Variants in RASA2 observed in about 807,000 individuals in gnomAD.
RASA2 encodes the protein ras GTPase-activating protein 2.
Under a neutral mutation model 118.2 loss-of-function variants are expected in RASA2, and 155 were observed. The observed-to-expected ratio is 1.31, with a 90% confidence interval of 1.15 to 1.50. The LOEUF (loss-of-function observed/expected upper bound fraction) is 1.50, where lower values mean the gene tolerates loss of function less well. Among genes scored for constraint, RASA2 ranks in the 40% most tolerant of loss-of-function variants. The pLI is 0.00. For synonymous variants in RASA2, 353 were observed against 349.1 expected, an observed-to-expected ratio of 1.01 and a Z score of -0.12; for missense variants, 1,016 against 1,009.6, an observed-to-expected ratio of 1.01 and a Z score of -0.09.
In RASA2 at chr3:141,575,817, T is replaced by C. The variant is rs922050013; in HGVS notation, c.1484-1183T>C. Among the ~76,000 whole-genome samples the C allele has an allele frequency of 7.9e-5, 12 of 152,224 alleles. No individual in the cohort carries two copies. The East Asian group carries it at 1.7e-3, about 22-fold the overall frequency. Reference sequence around the variant, plus strand: ...TTGTTTTTGTTTTTGTTTTTGAGACTGAGTTTCACTCTTGTTGCCCAGACT... The same window carrying C: ...TTGTTTTTGTTTTTGTTTTTGAGACCGAGTTTCACTCTTGTTGCCCAGACT... On this transcript the variant is annotated intron_variant, in intron 14 of 23. Transcript: ENST00000286364.
intron 4 of RASA2, among the ~76,000 whole-genome samples, chr3:141,538,146 C>T (rs2082355698): frequency 6.6e-6 from 1 of 151,558 alleles, no homozygotes; most frequent in Admixed American, 6.6e-5. Context: ...TGTTTTGCTG[C>T]AATTCAAATC....
intron 3 of RASA2, among the ~76,000 whole-genome samples, chr3:141,519,752 A>G (rs1449000837): frequency 1.3e-5 from 2 of 152,082 alleles, no homozygotes; most frequent in Non-Finnish European, 2.9e-5. Flanking sequence ...TCCTCAATTC[A>G]GTTTAACATT....
chr3:141,559,409 A>C (rs2082697103), intron 8 of RASA2, among the ~76,000 whole-genome samples: 1 of 152,102 alleles, frequency 6.6e-6, no homozygotes, highest in African/African-American at 2.4e-5. Flanking sequence ...CCTGGGTCTT[A>C]AATATCTATG....
intron 4 of RASA2, among the ~76,000 whole-genome samples, chr3:141,532,149 C>G (rs2082269079): frequency 2.0e-5 from 3 of 152,040 alleles, no homozygotes; most frequent in Admixed American, 2.0e-4. Flanking sequence ...ATAGCATCAC[C>G]TGCATTTTAC....
intron 1 of RASA2, among the ~76,000 whole-genome samples, chr3:141,500,768 A>T (rs1209125908): frequency 6.6e-6 from 1 of 152,210 alleles, no homozygotes; most frequent in Admixed American, 6.5e-5. Flanking sequence ...ATCAGGTTAA[A>T]CTGGCAATAA....
intron 1 of RASA2, among the ~76,000 whole-genome samples, chr3:141,489,289 C>T (rs2081612645): frequency 1.3e-5 from 2 of 152,186 alleles, no homozygotes; most frequent in Admixed American, 1.3e-4. Flanking sequence ...TCTTTGTCCT[C>T]CTTTTAAATG....
chr3:141,550,287 A>G (rs751237995), intron 5 of RASA2, among the ~76,000 whole-genome samples: 1 of 152,240 alleles, frequency 6.6e-6, no homozygotes, highest in Non-Finnish European at 1.5e-5. Flanking sequence ...GAAGGACACC[A>G]AGATACATAA....
At chr3:141,565,431 G>A (rs962805474) in intron 9 of RASA2, among the ~76,000 whole-genome samples, 2 of 152,190 alleles carry the variant, frequency 1.3e-5, no homozygotes, top group African/African-American at 4.8e-5. Flanking sequence ...ATGTGGTTTG[G>A]CTGTGTCCCT....
intron 2 of RASA2, among the ~76,000 whole-genome samples, chr3:141,512,581 A>G (rs1381252142): frequency 1.3e-5 from 2 of 152,226 alleles, no homozygotes; most frequent in Non-Finnish European, 2.9e-5. Context: ...AAGTTGCTTA[A>G]CTTAGTAGTG....
At chr3:141,610,152 AC>A (rs1263624434) in intron 23 of RASA2, 86 bp downstream of exon 23, 28 of 1,179,910 alleles carry the variant, frequency 2.4e-5, no homozygotes, top group Non-Finnish European at 3.3e-5. Flanking sequence ...CCTCCTGCTC[AC>A]CCACATCTGT....
At position 141,526,868 on chromosome 3, in the gene RASA2, A is replaced by G. The variant is rs12638511; in HGVS notation, c.356-2840A>G. Among the ~76,000 whole-genome samples the G allele has an allele frequency of 1.2e-3, 177 of 152,340 alleles. 3 individuals carry two copies. The East Asian group carries it at 0.016, about 14-fold the overall frequency. ...CAACTCTTCAGTGACAGTGAATGTC[A>G]TGATACTCATGATGCAGAATAGGAG... On this transcript the variant is annotated intron_variant, in intron 3 of 23. Transcript: ENST00000286364.
intron 8 of RASA2, 129 bp downstream of exon 8, chr3:141,559,091 A>C: frequency 1.6e-6 from 1 of 621,834 alleles, no homozygotes; most frequent in Middle Eastern, 2.8e-4. Context: ...ACTTAGAGGA[A>C]TATGCAACTA....
chr3:141,521,803 C>G (rs1230169881), intron 3 of RASA2, among the ~76,000 whole-genome samples: 1 of 151,592 alleles, frequency 6.6e-6, no homozygotes, highest in Non-Finnish European at 1.5e-5. Context: ...CACTACATAC[C>G]CTTTAAGGTT....
At chr3:141,567,013 A>G (rs1340781811) in intron 9 of RASA2, among the ~76,000 whole-genome samples, 1 of 152,204 alleles carries the variant, frequency 6.6e-6, no homozygotes, top group East Asian at 1.9e-4. Flanking sequence ...GCACCTGTGA[A>G]TCTGTTTTAG....
chr3:141,563,941 A>T (rs953236884), intron 9 of RASA2, among the ~76,000 whole-genome samples: 8 of 150,022 alleles, frequency 5.3e-5, no homozygotes, highest in African/African-American at 1.7e-4. Flanking sequence ...TTTTCAAGGG[A>T]TGGGTAAAAC....
intron 9 of RASA2, among the ~76,000 whole-genome samples, chr3:141,567,043 T>A (rs1182615966): frequency 6.6e-6 from 1 of 152,212 alleles, no homozygotes; most frequent in Non-Finnish European, 1.5e-5. Flanking sequence ...GGAATTACTT[T>A]ACTACTGGGC....
chr3:141,492,661 T>G lies in RASA2; in HGVS notation c.133+5445T>G, dbSNP rs112966763. Among the ~76,000 whole-genome samples the G allele has an allele frequency of 1.3e-3, 198 of 152,364 alleles. 1 individual carries two copies. The highest frequency in any genetic ancestry group is 4.5e-3 in the African/African-American group (187 of 41,586). On this transcript the variant is annotated intron_variant, in intron 1 of 23. Coordinates refer to ENST00000286364, the MANE Select transcript of RASA2 (RefSeq NM_006506.5). ...CCCTTCTACCATTTTGATTATTGCT[T>G]TTTAACTTGAACCATTTGCTTTAAG...
chr3:141,558,810 G>A (rs2082686758), intron 7 of RASA2, 76 bp from the exon 8 acceptor site: 11 of 1,097,696 alleles, frequency 1.0e-5, no homozygotes, highest in Non-Finnish European at 1.3e-5. Flanking sequence ...TGAATATTTT[G>A]CAGATGATCA....
At chr3:141,584,330 C>CAAAAA (rs56396460) in intron 17 of RASA2, among the ~76,000 whole-genome samples, 222 of 60,158 alleles carry the variant, frequency 3.7e-3, no homozygotes, top group Middle Eastern at 0.013. Flanking sequence ...AACTCCATCC[C>CAAAAA]AAAAAAAAAA....
Sources: allele counts gnomAD v4.1 joint callset (sites outside exome capture counted in the v4.1 genomes callset), GRCh38; gene constraint gnomAD v4.1.1; transcripts MANE v1.5; gene names NCBI Gene and HGNC (gene_info 2026-07-23, HGNC 2026-07-21).